The following MICAL2 variants were observed in gnomAD, a reference collection of about 807,000 sequenced individuals.
MICAL2 encodes the protein microtubule associated monooxygenase, calponin and LIM domain containing 2, also known as [F-actin]-monooxygenase MICAL2.
Under a neutral mutation model 127.3 loss-of-function variants are expected in MICAL2, and 77 were observed. The observed-to-expected ratio is 0.60, with a 90% confidence interval of 0.50 to 0.73. MICAL2 has a LOEUF of 0.73. Among genes scored for constraint, MICAL2 ranks in the 30% least tolerant of loss-of-function variants. The pLI, the probability that MICAL2 is intolerant of heterozygous loss-of-function variation, is 0.00. For missense variants in MICAL2, 1,351 were observed against 1,434.4 expected (o/e 0.94, Z 0.94); for synonymous variants, 570 against 551.1 (o/e 1.03, Z -0.48).
chr11:12,247,332 G>A (rs1025316074), intron 21 of MICAL2, among the ~76,000 whole-genome samples: 1 of 152,074 alleles, frequency 6.6e-6, no homozygotes, highest in Non-Finnish European at 1.5e-5. Context: ...CCCCATTTTT[G>A]TTCTTTTAAA....
chr11:12,121,480 T>C (rs1174213527), intron 1 of MICAL2: 2 of 152,586 alleles, frequency 1.3e-5, no homozygotes, highest in Non-Finnish European at 2.9e-5. Flanking sequence ...TCTGGAATGA[T>C]GCTGATTCTC....
chr11:12,333,517 G>GA (rs1938687924), intron 32 of MICAL2, among the ~76,000 whole-genome samples: 1 of 152,096 alleles, frequency 6.6e-6, no homozygotes, highest in Non-Finnish European at 1.5e-5. Flanking sequence ...ACTTTGTGCA[G>GA]GAGATCCCAA....
chr11:12,132,086 C>A (rs745989482), intron 1 of MICAL2, among the ~76,000 whole-genome samples: 4 of 152,138 alleles, frequency 2.6e-5, no homozygotes, highest in Non-Finnish European at 5.9e-5. Flanking sequence ...GGCAGGGATC[C>A]AAGCCTAGGG....
chr11:12,221,408 T>G (rs536958586), intron 9 of MICAL2, among the ~76,000 whole-genome samples: 1 of 152,370 alleles, frequency 6.6e-6, no homozygotes, highest in South Asian at 2.1e-4. Context: ...TCGCCTTTTC[T>G]GAGCCCTAAA....
downstream of MICAL2, among the ~76,000 whole-genome samples, chr11:12,289,337 C>T (rs1420999226): frequency 2.0e-5 from 3 of 152,182 alleles, no homozygotes; most frequent in South Asian, 2.1e-4. Flanking sequence ...AAACGGCCAG[C>T]AGAGGGGGAT....
intron 32 of MICAL2, among the ~76,000 whole-genome samples, chr11:12,345,850 C>G (rs1386024797): frequency 2.0e-5 from 3 of 152,170 alleles, no homozygotes; most frequent in Non-Finnish European, 2.9e-5. Context: ...TAATTATAGA[C>G]TCTCTTTAAG....
rs534344383 is a variant in MICAL2, at chr11:12,322,754, T to G, written c.5329-1224T>G. ...TAATATATACTCCTACACACAAAAA[T>G]CATAATAGATTTTAGTAAAATGTGA... On this transcript the variant is annotated intron_variant, in intron 30 of 34. Coordinates refer to the MICAL2 transcript ENST00000646065. Among the ~76,000 whole-genome samples the G allele has an allele frequency of 1.7e-4, 26 of 152,258 alleles. No homozygotes were observed. In the South Asian group the frequency reaches 5.4e-3, roughly 32 times the overall value.
At chr11:12,269,377 A>C (rs1863646320) in intron 24 of MICAL2, among the ~76,000 whole-genome samples, 1 of 152,236 alleles carries the variant, frequency 6.6e-6, no homozygotes, top group Non-Finnish European at 1.5e-5. Flanking sequence ...CTGTAGTGTC[A>C]GAAGAAGAGG....
At chr11:12,201,425 T>C (rs921558911) in intron 3 of MICAL2, among the ~76,000 whole-genome samples, 1 of 151,046 alleles carries the variant, frequency 6.6e-6, no homozygotes, top group Non-Finnish European at 1.5e-5. Context: ...TAAGGTTTGA[T>C]CTCAAGCAGA....
At chr11:12,357,144 C>CA (rs1309807684) in intron 34 of MICAL2, among the ~76,000 whole-genome samples, 2 of 152,178 alleles carry the variant, frequency 1.3e-5, no homozygotes, top group Non-Finnish European at 1.5e-5. Flanking sequence ...GCCCAGACCT[C>CA]AGAGCTAAGC....
intron 26 of MICAL2, chr11:12,262,216 T>A (rs1863221164): frequency 7.4e-7 from 1 of 1,352,334 alleles, no homozygotes; most frequent in East Asian, 3.0e-5. Context: ...GACGCTAGAG[T>A]AAAATGGGGG....
At chr11:12,213,149 T>A (rs1855713499) in intron 6 of MICAL2, 106 bp from the exon 7 acceptor site, 2 of 1,307,142 alleles carry the variant, frequency 1.5e-6, no homozygotes, top group Non-Finnish European at 2.1e-6. Context: ...AGAATCCTGG[T>A]TTCACTGGCC....
intron 15 of MICAL2, among the ~76,000 whole-genome samples, chr11:12,234,773 G>T (rs193015440): frequency 4.3e-4 from 66 of 152,302 alleles, no homozygotes; most frequent in African/African-American, 1.5e-3. Context: ...GGAGGGAGGG[G>T]ATGCGTACTG....
intron 1 of MICAL2, among the ~76,000 whole-genome samples, chr11:12,131,062 G>A (rs1851375744): frequency 3.1e-5 from 1 of 32,410 alleles, no homozygotes; most frequent in African/African-American, 5.7e-5. Context: ...GGGAGGCCGA[G>A]GCGGGTGGAT....
chr11:12,264,395 A>G (rs1254935844), downstream of MICAL2, among the ~76,000 whole-genome samples: 1 of 152,170 alleles, frequency 6.6e-6, no homozygotes, highest in Non-Finnish European at 1.5e-5. Flanking sequence ...GCCCTGCCCT[A>G]GCACCACCCG....
chr11:12,333,962 G>T (rs1180003107), intron 32 of MICAL2, among the ~76,000 whole-genome samples: 1 of 152,056 alleles, frequency 6.6e-6, no homozygotes, highest in Non-Finnish European at 1.5e-5. Flanking sequence ...GAGACAATTG[G>T]TTTCCATAGA....
At chr11:12,154,002 T>C (rs1448478361) in intron 2 of MICAL2, among the ~76,000 whole-genome samples, 1 of 152,232 alleles carries the variant, frequency 6.6e-6, no homozygotes, top group Non-Finnish European at 1.5e-5. Flanking sequence ...CAGGGGATCC[T>C]GCAGGAAATG....
intron 3 of MICAL2, among the ~76,000 whole-genome samples, chr11:12,171,736 C>G (rs968172484): frequency 2.0e-5 from 3 of 152,208 alleles, no homozygotes; most frequent in Non-Finnish European, 4.4e-5. Context: ...GAGGCAGTGG[C>G]TGGAGGTTCA....
chr11:12,192,345 C>G (rs1300450827), intron 3 of MICAL2, among the ~76,000 whole-genome samples: 4 of 152,172 alleles, frequency 2.6e-5, no homozygotes, highest in Non-Finnish European at 5.9e-5. Context: ...GATACCCCAA[C>G]AGAGGCAGTG....
Sources: gnomAD v4.1 joint callset for allele counts (sites outside exome capture counted in the v4.1 genomes callset) on GRCh38, gnomAD v4.1.1 for gene constraint, MANE v1.5 for transcripts, NCBI Gene and HGNC (gene_info 2026-07-23, HGNC 2026-07-21) for gene names.